The following SEMA4D variants were observed in gnomAD, a reference collection of about 807,000 sequenced individuals.
The protein encoded by SEMA4D is semaphorin-4D.
SEMA4D carries 22 observed loss-of-function variants against 74.8 expected under a neutral mutation model. The ratio of observed to expected loss-of-function variants is 0.29; its 90% CI spans 0.21 to 0.42. The LOEUF (loss-of-function observed/expected upper bound fraction) is 0.42. SEMA4D is among the 10% of genes least tolerant of loss of function. The pLI is 1.00. For synonymous variants in SEMA4D, 445 were observed against 463.7 expected, an observed-to-expected ratio of 0.96 and a Z score of 0.52; for missense variants, 937 against 1,118.4, an observed-to-expected ratio of 0.84 and a Z score of 2.31.
chr9:89,401,337 G>A (rs554746441), intron 4 of SEMA4D, among the ~76,000 whole-genome samples: 11 of 152,314 alleles, frequency 7.2e-5, no homozygotes, highest in South Asian at 4.1e-4. Flanking sequence ...GATAACATGC[G>A]TGAGCCACAG....
chr9:89,489,043 T>G (rs1825422857), intron 1 of SEMA4D, among the ~76,000 whole-genome samples: 1 of 152,064 alleles, frequency 6.6e-6, no homozygotes. Context: ...GAAAAGACGC[T>G]CAACTAAAAC....
chr9:89,381,200 A>G lies in SEMA4D; in HGVS notation c.1593T>C (p.Ala531=), dbSNP rs751346155. 6.2e-7 allele frequency: 1 copy of G among 1,611,236 alleles called. No individual in the cohort carries two copies. Among genetic ancestry groups the G allele is most frequent in the East Asian group, 2.2e-5 (1 of 44,788 alleles). The change falls in exon 14 of 16, where the codon GCT becomes GCC. Residue 531 remains alanine, a synonymous_variant. Coordinates refer to ENST00000422704, the MANE Select transcript of SEMA4D (RefSeq NM_001371194.2). This position sits in a 1 kb window ranked among gnomAD's most constrained non-coding sequence, Gnocchi z 4.6. ...TGCTGGGGCTCTCGGTCTGGTGCAG[A>G]GCCACGCAGGTCGCTGTGGGCGGGC... The part of the protein sequence containing the change: ...AWSPPTATCV[A]LHQTESPSRG...
chr9:89,409,008 CA>C (rs1194408523), intron 2 of SEMA4D, among the ~76,000 whole-genome samples: 1 of 152,198 alleles, frequency 6.6e-6, no homozygotes, highest in African/African-American at 2.4e-5. Context: ...GTGCCAACCA[CA>C]CAGGAAGCCA....
intron 11 of SEMA4D, among the ~76,000 whole-genome samples, chr9:89,388,423 C>CT (rs1839036560): frequency 6.6e-6 from 1 of 152,258 alleles, no homozygotes; most frequent in African/African-American, 2.4e-5. Context: ...CTGCCCCAGC[C>CT]TTCTTGTTTG....
chr9:89,384,160 G>C (rs1247115540), intron 13 of SEMA4D, among the ~76,000 whole-genome samples: 2 of 152,230 alleles, frequency 1.3e-5, no homozygotes, highest in African/African-American at 4.8e-5. Flanking sequence ...CCAAGGAATG[G>C]AAAGCAAGGA....
At chr9:89,406,024 C>T (rs1057443601) in intron 2 of SEMA4D, 2 of 800,360 alleles carry the variant, frequency 2.5e-6, no homozygotes, top group East Asian at 8.5e-5. Flanking sequence ...TCCTGTGTGG[C>T]TGCTGTGTCC....
At chr9:89,403,882 T>C (rs1002761866) in intron 3 of SEMA4D, among the ~76,000 whole-genome samples, 1 of 152,190 alleles carries the variant, frequency 6.6e-6, no homozygotes, top group Non-Finnish European at 1.5e-5. Flanking sequence ...TAAGCTATGA[T>C]TGTCCCACTG....
intron 1 of SEMA4D, among the ~76,000 whole-genome samples, chr9:89,470,706 C>G (rs1056374085): frequency 5.3e-5 from 8 of 151,816 alleles, no homozygotes; most frequent in African/African-American, 1.7e-4. Flanking sequence ...AATGGACTTA[C>G]CGAGGGACAA....
intron 2 of SEMA4D, among the ~76,000 whole-genome samples, chr9:89,429,979 G>A (rs1022172573): frequency 1.3e-5 from 2 of 151,850 alleles, no homozygotes; most frequent in African/African-American, 4.8e-5. Flanking sequence ...TAAAAACTCT[G>A]TAACCCTAAA....
At chr9:89,473,677 T>C (rs1203732224) in intron 1 of SEMA4D, among the ~76,000 whole-genome samples, 2 of 151,798 alleles carry the variant, frequency 1.3e-5, no homozygotes, top group Non-Finnish European at 2.9e-5. Flanking sequence ...CCCAACATGG[T>C]GAAACCGTCT....
intron 2 of SEMA4D, among the ~76,000 whole-genome samples, chr9:89,433,076 C>T (rs534456798): frequency 3.9e-5 from 6 of 152,370 alleles, no homozygotes; most frequent in African/African-American, 1.4e-4. Flanking sequence ...CGTGGCAGAA[C>T]TGGCTCTAGG....
chr9:89,457,475 G>A (rs568091545), intron 1 of SEMA4D, among the ~76,000 whole-genome samples: 7 of 152,338 alleles, frequency 4.6e-5, no homozygotes, highest in African/African-American at 7.2e-5. Context: ...AGTGGTTCAC[G>A]CCTGTAATCC....
rs1421351388 is a variant in SEMA4D, at chr9:89,378,073, CCT to C, written c.*629_*630del. 1.3e-5 allele frequency: 2 copies of C among 152,274 alleles called. No individual in the cohort carries two copies. Among genetic ancestry groups the C allele is most frequent in the Non-Finnish European group, 2.9e-5 (2 of 68,018 alleles). The allele number at this position is 152,274 out of a possible 1,614,324, so 9.4% of individuals were successfully genotyped here. ...TGCATTTAGCAAAAGGAAGTTTATCCCTGAGAATCTTAAGCAACGTAAGCCGT... is the reference window on the plus strand; with the variant it reads ...TGCATTTAGCAAAAGGAAGTTTATCCGAGAATCTTAAGCAACGTAAGCCGT... On this transcript the variant is annotated 3_prime_UTR_variant, in exon 16 of 16. Transcript: ENST00000422704.
At chr9:89,450,112 T>C (rs1430367287) in intron 2 of SEMA4D, 9 of 1,242,338 alleles carry the variant, frequency 7.2e-6, no homozygotes, top group Non-Finnish European at 1.1e-5. Context: ...ATAGAAGGTA[T>C]GCTGTCACAC....
At chr9:89,397,559 C>G (rs943144969) in intron 5 of SEMA4D, among the ~76,000 whole-genome samples, 1 of 152,186 alleles carries the variant, frequency 6.6e-6, no homozygotes, top group African/African-American at 2.4e-5. Flanking sequence ...AAAGTACTTG[C>G]GTTACATGTG....
intron 2 of SEMA4D, among the ~76,000 whole-genome samples, chr9:89,441,746 C>T (rs1294503432): frequency 6.6e-6 from 1 of 152,242 alleles, no homozygotes; most frequent in Non-Finnish European, 1.5e-5. Context: ...CCTGTCTAAC[C>T]ACTCTGCGTC....
At chr9:89,466,203 A>G (rs2135830243) in intron 1 of SEMA4D, among the ~76,000 whole-genome samples, 1 of 152,328 alleles carries the variant, frequency 6.6e-6, no homozygotes, top group Non-Finnish European at 1.5e-5. Context: ...GATCAGGCAC[A>G]CGAAATGCTC....
rs199725743 is a variant in SEMA4D at position 89,458,766 on chromosome 9, CACAT to C, written c.-309-2817_-309-2814del. On this transcript the variant is annotated intron_variant, in intron 1 of 15. Coordinates refer to ENST00000422704, the MANE Select transcript of SEMA4D (RefSeq NM_001371194.2). Reference sequence around the variant, plus strand: ...GCACACACACACATATACATATATGCACATACAAACATGCATGCCATATTCACAT... The same window carrying C: ...GCACACACACACATATACATATATGCACAAACATGCATGCCATATTCACAT... Among the ~76,000 whole-genome samples the C allele has an allele frequency of 7.7e-3, 1,178 of 152,102 alleles. 7 individuals are homozygous for C. The highest frequency in any genetic ancestry group is 0.011 in the Non-Finnish European group (743 of 67,958).
chr9:89,466,160 A>T (rs1858637695), intron 1 of SEMA4D, among the ~76,000 whole-genome samples: 1 of 152,152 alleles, frequency 6.6e-6, no homozygotes, highest in South Asian at 2.1e-4. Flanking sequence ...CTTCCGTAGC[A>T]CAGTGCCGCA....
Sources: allele counts gnomAD v4.1 joint callset (sites outside exome capture counted in the v4.1 genomes callset), GRCh38; gene constraint gnomAD v4.1.1; non-coding constraint Gnocchi (gnomAD v3.1); transcripts MANE v1.5; gene names NCBI Gene and HGNC (gene_info 2026-07-23, HGNC 2026-07-21).